Variants in NARF observed in about 807,000 individuals in gnomAD.
The protein encoded by NARF is nuclear prelamin A recognition factor, also known as iron-only hydrogenase-like protein 2.
Under a neutral mutation model 48.0 loss-of-function variants are expected in NARF, and 41 were observed. The ratio of observed to expected loss-of-function variants is 0.85; its 90% CI spans 0.66 to 1.11. The LOEUF is 1.11. Among genes scored for constraint, NARF ranks in the 50% least tolerant of loss-of-function variants. NARF has a pLI of 0.00. For missense variants in NARF, 613 were observed against 590.2 expected (o/e 1.04, Z -0.40); for synonymous variants, 215 against 225.5 (o/e 0.95, Z 0.42).
intron 9 of NARF, 78 bp downstream of exon 9, chr17:82,485,028 G>T: frequency 6.8e-7 from 1 of 1,463,406 alleles, no homozygotes; most frequent in Admixed American, 2.5e-5. Flanking sequence ...ATCTGTGCAT[G>T]TGGCGGTTCT....
chr17:82,487,788 CAATCTCT>C, intron 10 of NARF, 121 bp from the exon 11 acceptor site: 1 of 759,776 alleles, frequency 1.3e-6, no homozygotes, highest in East Asian at 3.4e-5. Context: ...CCCTCCCGCC[CAATCTCT>C]ACAAAAAATT....
At chr17:82,460,798 A>G (rs1174579165) in intron 2 of NARF, 2 of 152,292 alleles carry the variant, frequency 1.3e-5, no homozygotes, top group African/African-American at 2.4e-5. Flanking sequence ...GCTAATAAAG[A>G]CATGTGTGAG....
chr17:82,475,146 C>T (rs892738222), intron 5 of NARF, among the ~76,000 whole-genome samples: 2 of 152,136 alleles, frequency 1.3e-5, no homozygotes, highest in Non-Finnish European at 1.5e-5. Flanking sequence ...GGTCCCCTTG[C>T]AGGAGTGCTT....
In NARF at chr17:82,485,546, T is replaced by G. The variant is rs1190123961; in HGVS notation, c.1021T>G (p.Leu341Val). Residue 341 changes from leucine to valine, a missense_variant, in exon 10 of 11, where the codon TTA becomes GTA. Transcript: ENST00000309794. Reference sequence around the variant, plus strand: ...CCTTGAGAAGAACGGAGAGGTGGTGTTACGCTTTGCTGCAGCCTATGGCTT... The same window carrying G: ...CCTTGAGAAGAACGGAGAGGTGGTGGTACGCTTTGCTGCAGCCTATGGCTT... ...VTLEKNGEVV[L>V]RFAAAYGFRN... 9 of 1,614,132 alleles carry G rather than the reference T, an allele frequency of 5.6e-6. No homozygotes were observed. The highest frequency in any genetic ancestry group is 2.2e-5 in the East Asian group (1 of 44,898).
At chr17:82,468,974 T>C (rs2043635883) in intron 4 of NARF, 78 bp downstream of exon 4, 33 of 1,540,716 alleles carry the variant, frequency 2.1e-5, no homozygotes, top group Admixed American at 3.7e-5. Context: ...AGTTCGTTTT[T>C]CAAGGACGCA....
upstream of NARF, chr17:82,458,686 G>T (rs1209097661): frequency 1.1e-5 from 15 of 1,336,120 alleles, no homozygotes; most frequent in Non-Finnish European, 1.4e-5. Flanking sequence ...CGGCCGTTGG[G>T]GGTGAGGCCG....
intron 5 of NARF, among the ~76,000 whole-genome samples, chr17:82,473,679 T>A (rs2043769267): frequency 6.6e-6 from 1 of 151,896 alleles, no homozygotes; most frequent in Non-Finnish European, 1.5e-5. Flanking sequence ...TGCCTCAGCC[T>A]CCCCAGTAGC....
chr17:82,464,438 A>G lies in NARF; in HGVS notation c.252+8A>G, dbSNP rs956548765. ...GTTCTGAACCTTAACAAGGTAAGGC[A>G]TTCGGGGCATTTGCTGATGCTGGGG... On this transcript the variant is annotated splice_region_variant and intron_variant, in intron 3 of 10. Coordinates refer to ENST00000309794, the MANE Select transcript of NARF (RefSeq NM_012336.4). 6.2e-7 allele frequency: 1 copy of G among 1,605,952 alleles called. No homozygotes were observed. The highest frequency in any genetic ancestry group is 2.2e-5 in the East Asian group (1 of 44,722).
rs774796212 is a variant in NARF at position 82,478,907 on chromosome 17, G to C, written c.628G>C (p.Ala210Pro). 1 of 1,613,626 alleles carries C rather than the reference G, an allele frequency of 6.2e-7. No homozygotes were observed. Among genetic ancestry groups the C allele is most frequent in the Non-Finnish European group, 8.5e-7 (1 of 1,179,808 alleles). The part of the protein sequence containing the change: ...VMGSLVKDYF[A>P]RQQNLSPEKI... ...GGGCTCTTTGGTGAAGGATTATTTCGCCAGACAGCAGGTAAGCTGACCTCT... is the reference window on the plus strand; with the variant it reads ...GGGCTCTTTGGTGAAGGATTATTTCCCCAGACAGCAGGTAAGCTGACCTCT... Residue 210 changes from alanine (A) to proline (P), a missense_variant, in exon 6 of 11, where the codon GCC (alanine) becomes CCC (proline). Transcript: ENST00000309794.
chr17:82,458,971 C>T, intron 1 of NARF, 141 bp downstream of exon 1: 5 of 1,218,790 alleles, frequency 4.1e-6, no homozygotes, highest in Non-Finnish European at 4.1e-6. Flanking sequence ...CCTGGGCCCG[C>T]TCGGCGTGGA....
rs1205799578 is a variant in NARF at position 82,464,386 on chromosome 17, C to T, written c.208C>T (p.Gln70Ter). 7 of 1,613,902 alleles carry T rather than the reference C, an allele frequency of 4.3e-6. No homozygotes were observed. In the Admixed American group the frequency reaches 1.2e-4, roughly 27 times the overall value. ...MTAEEGVQLS[Q>*]QNAKDFFRVL... ...TGCAGAGGAAGGAGTCCAACTTTCCCAGCAAAATGCCAAGGACTTCTTCCG... is the reference window on the plus strand; with the variant it reads ...TGCAGAGGAAGGAGTCCAACTTTCCTAGCAAAATGCCAAGGACTTCTTCCG... The change falls in exon 3 of 11, where the codon CAG becomes TAG. Residue 70 changes from glutamine (Q) to a stop codon, truncating the protein, a stop_gained. Coordinates refer to ENST00000309794, the MANE Select transcript of NARF (RefSeq NM_012336.4). LOFTEE classifies it high-confidence loss of function.
intron 5 of NARF, 106 bp downstream of exon 5, chr17:82,472,804 A>G: frequency 1.5e-6 from 2 of 1,363,570 alleles, no homozygotes; most frequent in Admixed American, 2.6e-5. Context: ...CATCCCACCC[A>G]GCCTTGTAGA....
rs893402731 is a variant in NARF, at chr17:82,472,574, T to C, written c.396T>C (p.Tyr132=). The C allele has an allele frequency of 1.9e-6, 3 of 1,613,014 alleles. No homozygotes were observed. Among genetic ancestry groups the C allele is most frequent in the African/African-American group, 1.3e-5 (1 of 74,832 alleles). The part of the protein sequence containing the change: ...CGFLKSLGVH[Y]VFDTTIAADF... ...TCCTCTCTCCTGCAGGGGTGCACTATGTATTTGATACGACGATAGCTGCGG... is the reference window on the plus strand; with the variant it reads ...TCCTCTCTCCTGCAGGGGTGCACTACGTATTTGATACGACGATAGCTGCGG... Residue 132 remains tyrosine (Y), a synonymous_variant, in exon 5 of 11, where the codon TAT becomes TAC. Coordinates refer to ENST00000309794, the MANE Select transcript of NARF (RefSeq NM_012336.4).
upstream of NARF, chr17:82,458,520 G>C: frequency 2.6e-6 from 1 of 391,250 alleles, no homozygotes. Flanking sequence ...TACGTGGAGT[G>C]AGCCTGCGGT....
chr17:82,481,115 G>T lies in NARF; in HGVS notation c.673G>T (p.Val225Leu). 2 of 1,614,052 alleles carry T rather than the reference G, an allele frequency of 1.2e-6. No individual in the cohort carries two copies. Among genetic ancestry groups the T allele is most frequent in the Non-Finnish European group, 1.7e-6 (2 of 1,179,998 alleles). Residue 225 changes from valine to leucine, a missense_variant, in exon 7 of 11, where the codon GTG becomes TTG. Physicochemically the swap from Val to Leu is conservative, Grantham distance 32. Transcript: ENST00000309794. ...LSPEKIFHVI[V>L]APCYDKKLEA... The stretch of plus-strand genomic sequence containing the variant: ...TCCAGAGAAGATTTTCCACGTCATT[G>T]TGGCCCCTTGTTATGACAAGAAGCT...
At chr17:82,461,998 C>T (rs1292135576) in intron 2 of NARF, among the ~76,000 whole-genome samples, 1 of 152,162 alleles carries the variant, frequency 6.6e-6, no homozygotes, top group Non-Finnish European at 1.5e-5. Flanking sequence ...CCTGAGTGGC[C>T]GACCCCAGGG....
chr17:82,466,781 C>A (rs1250867631), intron 3 of NARF, among the ~76,000 whole-genome samples: 1 of 151,960 alleles, frequency 6.6e-6, no homozygotes, highest in African/African-American at 2.4e-5. Context: ...TTGAAAAAAT[C>A]AAATTGTTCC....
intron 4 of NARF, among the ~76,000 whole-genome samples, chr17:82,470,496 C>G (rs781033463): frequency 1.3e-4 from 19 of 151,896 alleles, no homozygotes; most frequent in Admixed American, 3.3e-4. Context: ...TATAATATTT[C>G]TTTTTTTGTT....
rs1294117901 is a variant in NARF, at chr17:82,488,081, C to G, written c.1295C>G (p.Pro432Arg). The change falls in exon 11 of 11, where the codon CCC (proline) becomes CGC (arginine). Residue 432 changes from proline to arginine, a missense_variant. By Grantham distance (103) the Pro-to-Arg change is moderately radical (BLOSUM62 -2). Coordinates refer to ENST00000309794, the MANE Select transcript of NARF (RefSeq NM_012336.4). ...GAGTGGCTGGAGGGGATCAACTCCC[C>G]CAAGGCCCGAGAGGTGCTGCATACC... is the stretch of plus-strand genomic sequence containing the variant. ...YQEWLEGINS[P>R]KAREVLHTTY... 6.2e-7 allele frequency: 1 copy of G among 1,614,024 alleles called. No individual in the cohort carries two copies.
Sources: allele counts gnomAD v4.1 joint callset (sites outside exome capture counted in the v4.1 genomes callset), GRCh38; gene constraint gnomAD v4.1.1; transcripts MANE v1.5; gene names NCBI Gene and HGNC (gene_info 2026-07-23, HGNC 2026-07-21).